BBS2: variants seen among roughly 807,000 people sequenced by gnomAD.
BBS2 encodes BBSome complex member BBS2.
A neutral mutation model predicts 83.0 loss-of-function variants in BBS2; 62 were observed. The ratio of observed to expected loss-of-function variants is 0.75; its 90% confidence interval spans 0.61 to 0.92. The LOEUF (loss-of-function observed/expected upper bound fraction) is 0.92, where lower values mean the gene tolerates loss of function less well. Among genes scored for constraint, BBS2 ranks in the 40% least tolerant of loss-of-function variants. The pLI is 0.00. For missense variants in BBS2, 784 were observed against 901.0 expected, an observed-to-expected ratio of 0.87 and a Z score of 1.66; for synonymous variants, 303 against 326.1, an observed-to-expected ratio of 0.93 and a Z score of 0.76.
chr16:56,476,374 G>A lies in BBS2; in HGVS notation c.*1-5679C>T. 8.1e-6 allele frequency: 4 copies of A among 491,616 alleles called. No individual in the cohort carries two copies. The East Asian group carries it at 1.4e-4, about 17-fold the overall frequency. 30.5% of individuals were successfully genotyped at this position (491,616 alleles called of 1,614,324 possible). ...AATGATTGTCCTCAACCGAGACCTT[G>A]AGCTTGCAGCTAAGTACTTATCTCT... On this transcript the variant is annotated intron_variant, in intron 17 of 17. Coordinates refer to the BBS2 transcript ENST00000682047.
intron 1 of BBS2, among the ~76,000 whole-genome samples, chr16:56,515,601 A>T (rs981312740): frequency 1.1e-4 from 17 of 152,328 alleles, no homozygotes; most frequent in Non-Finnish European, 1.6e-4. Context: ...TAAAATTTTT[A>T]AAATTTACAT....
At chr16:56,495,604 C>A (rs1819414966) in intron 15 of BBS2, among the ~76,000 whole-genome samples, 1 of 152,138 alleles carries the variant, frequency 6.6e-6, no homozygotes, top group South Asian at 2.1e-4. Context: ...GGACTTTGAT[C>A]TGGATTTTGA....
At position 56,500,868 on chromosome 16, in the gene BBS2, C is replaced by T; in HGVS notation, c.1383G>A (p.Val461=). 1 of 1,614,054 alleles carries T rather than the reference C, an allele frequency of 6.2e-7. No homozygotes were observed. Among genetic ancestry groups the T allele is most frequent in the Admixed American group, 1.7e-5 (1 of 60,012 alleles). The change falls in exon 11 of 17, where the codon GTG becomes GTA. Residue 461 remains valine, a synonymous_variant. Transcript: ENST00000245157. ...CAAAGGGTCACCTGCTTCTGTAACC[C>T]ACGAATGCCTTCAAGTGCAGATCCA... is the stretch of plus-strand genomic sequence containing the variant. ...VPVDLHLKAF[V]GYRSSTQFHV... is the part of the protein sequence containing the mutation.
chr16:56,472,127 A>C (rs1435004751), intron 17 of BBS2, among the ~76,000 whole-genome samples: 2 of 151,118 alleles, frequency 1.3e-5, no homozygotes, highest in African/African-American at 2.4e-5. Flanking sequence ...ACACCCAACT[A>C]ATTTTCTTGA....
chr16:56,510,138 A>T (rs1964536310), intron 4 of BBS2, 104 bp from the exon 5 acceptor site: 2 of 953,112 alleles, frequency 2.1e-6, no homozygotes, highest in Non-Finnish European at 1.7e-6. Context: ...TGCTTCTGCC[A>T]CCCAAGATTG....
At chr16:56,498,674 T>A in intron 12 of BBS2, 106 bp from the exon 13 acceptor site, 1 of 1,584,526 alleles carries the variant, frequency 6.3e-7, no homozygotes. Flanking sequence ...AGGGAAGAGT[T>A]CTCCTTCTTT....
chr16:56,500,665 T>A, intron 11 of BBS2, 189 bp downstream of exon 11: 2 of 560,114 alleles, frequency 3.6e-6, no homozygotes, highest in African/African-American at 1.9e-5. Context: ...AACTTACATA[T>A]CAGTTTTTCC....
chr16:56,490,985 T>A (rs1187518362), intron 15 of BBS2, among the ~76,000 whole-genome samples: 2 of 151,972 alleles, frequency 1.3e-5, no homozygotes, highest in Admixed American at 6.6e-5. Context: ...ACGGTCTCGA[T>A]CTCCTGGCCT....
chr16:56,503,112 G>A (rs1964323550), intron 7 of BBS2, among the ~76,000 whole-genome samples: 1 of 152,190 alleles, frequency 6.6e-6, no homozygotes, highest in Non-Finnish European at 1.5e-5. Flanking sequence ...ACAGCACAGT[G>A]CAAAAGGGCA....
chr16:56,476,653 A>C (rs1596995278), intron 17 of BBS2: 1 of 153,148 alleles, frequency 6.5e-6, no homozygotes, highest in Non-Finnish European at 1.5e-5. Context: ...TTGAACAATA[A>C]CTCCCCACCT....
At chr16:56,474,042 C>T (rs1406176814) in intron 17 of BBS2, among the ~76,000 whole-genome samples, 1 of 152,148 alleles carries the variant, frequency 6.6e-6, no homozygotes, top group Non-Finnish European at 1.5e-5. Flanking sequence ...CTCCTGACCT[C>T]AGGTGATCTG....
downstream of BBS2, among the ~76,000 whole-genome samples, chr16:56,481,788 TG>T (rs1281463622): frequency 1.3e-5 from 2 of 152,198 alleles, no homozygotes; most frequent in African/African-American, 4.8e-5. Flanking sequence ...AAAAGGTAGT[TG>T]CATGTTTTAT....
At chr16:56,480,337 T>TCACACA (rs201236493), downstream of BBS2, among the ~76,000 whole-genome samples, 19 of 66,670 alleles carry the variant, frequency 2.8e-4, no homozygotes, top group African/African-American at 1.1e-3. Flanking sequence ...GAACACCCCC[T>TCACACA]CACACACACA....
rs1964271664 is a variant in BBS2 at position 56,501,462 on chromosome 16, C to A, written c.1116G>T (p.Gly372=). The change falls in exon 10 of 17, where the codon GGG becomes GGT. Residue 372 remains glycine (G), a synonymous_variant. Coordinates refer to ENST00000245157, the MANE Select transcript of BBS2 (RefSeq NM_031885.5). Reference sequence around the variant, plus strand: ...TATTGGCTGGGATTATGCCCCGATGCCCATCAGCCTCGTTCAGTGGACTGG... The same window carrying A: ...TATTGGCTGGGATTATGCCCCGATGACCATCAGCCTCGTTCAGTGGACTGG... ...ELASPLNEAD[G]HRGIIPANTR... is the part of the protein sequence containing the mutation. 6.2e-7 allele frequency: 1 copy of A among 1,614,114 alleles called. No homozygotes were observed. Among genetic ancestry groups the A allele is most frequent in the East Asian group, 2.2e-5 (1 of 44,890 alleles).
chr16:56,488,234 C>T (rs1775067093), intron 15 of BBS2, among the ~76,000 whole-genome samples: 1 of 152,156 alleles, frequency 6.6e-6, no homozygotes, highest in South Asian at 2.1e-4. Flanking sequence ...ATAGCAGACA[C>T]CAGCTGGGTG....
intron 17 of BBS2, chr16:56,476,387 A>C (rs14306): frequency 0.63 from 270,573 of 426,540 alleles, 88,490 homozygotes; most frequent in African/African-American, 0.92. Context: ...CTTGCAGCTA[A>C]GTACTTATCT....
At chr16:56,510,124 A>AATTT in intron 4 of BBS2, 90 bp from the exon 5 acceptor site, 5 of 1,143,266 alleles carry the variant, frequency 4.4e-6, no homozygotes, top group Non-Finnish European at 6.5e-6. Context: ...AGTACTTTGC[A>AATTT]TGCTGCTTCT....
chr16:56,498,756 C>G, intron 12 of BBS2, 188 bp from the exon 13 acceptor site: 1 of 1,470,856 alleles, frequency 6.8e-7, no homozygotes, highest in Non-Finnish European at 9.0e-7. Context: ...AATACTAAAA[C>G]ACTAGTCACA....
intron 15 of BBS2, among the ~76,000 whole-genome samples, chr16:56,493,807 A>G (rs1276216991): frequency 2.0e-5 from 3 of 152,224 alleles, no homozygotes; most frequent in Non-Finnish European, 4.4e-5. Context: ...CTGCTGGGAT[A>G]TGCCCTAAAG....
Sources: allele counts gnomAD v4.1 joint callset (sites outside exome capture counted in the v4.1 genomes callset), GRCh38; gene constraint gnomAD v4.1.1; transcripts MANE v1.5; gene names NCBI Gene and HGNC (gene_info 2026-07-23, HGNC 2026-07-21).